HELB: variants seen among roughly 807,000 people sequenced by gnomAD.
HELB encodes the protein DNA helicase B.
HELB carries 96 observed loss-of-function variants against 101.7 expected under a neutral mutation model. That is an observed-to-expected ratio of 0.94 (90% CI 0.80 to 1.12). HELB has a LOEUF of 1.12. Ranked by LOEUF, HELB falls within the 50% of genes most tolerant of loss-of-function variation. The probability of loss-of-function intolerance (pLI) is 0.00; values close to 1 mark genes in which losing one functional copy is unlikely to be tolerated. For missense variants in HELB, 1,210 were observed against 1,291.9 expected (o/e 0.94, Z 0.97); for synonymous variants, 437 against 459.7 (o/e 0.95, Z 0.63).
At position 66,309,853 on chromosome 12, in the gene HELB, G is replaced by A. The variant is rs1379632082; in HGVS notation, c.925G>A (p.Gly309Arg). 1 of 1,613,932 alleles carries A rather than the reference G, an allele frequency of 6.2e-7. No individual in the cohort carries two copies. Among genetic ancestry groups the A allele is most frequent in the African/African-American group, 1.3e-5 (1 of 74,928 alleles). Reference sequence around the variant, plus strand: ...ACTGAAGCAGATATGTAGAGAAGATGGGCACACATATGTTGAAGTGAATGA... The same window carrying A: ...ACTGAAGCAGATATGTAGAGAAGATAGGCACACATATGTTGAAGTGAATGA... ...SRLKQICRED[G>R]HTYVEVNDLT... Residue 309 changes from glycine to arginine, a missense_variant, in exon 4 of 13, where the codon GGG becomes AGG. Coordinates refer to ENST00000247815, the MANE Select transcript of HELB (RefSeq NM_001370285.1).
At chr12:66,308,035 AC>A (rs1241723912) in intron 3 of HELB, among the ~76,000 whole-genome samples, 2 of 102,774 alleles carry the variant, frequency 1.9e-5, no homozygotes, top group Non-Finnish European at 3.9e-5. Flanking sequence ...CTGGTCTTCT[AC>A]CTCCTCTAAA....
At chr12:66,343,526 CT>C in exon 14 of HELB, 1 of 152,326 alleles carries the variant, frequency 6.6e-6, no homozygotes, top group Admixed American at 6.5e-5. Context: ...CCACCTCGAC[CT>C]CCCAAAGTGC....
chr12:66,336,501 C>T (rs1052513131), intron 12 of HELB, among the ~76,000 whole-genome samples: 2 of 152,198 alleles, frequency 1.3e-5, no homozygotes, highest in Admixed American at 6.5e-5. Context: ...AGTCTTTAAG[C>T]TTCCAAGGCT....
At chr12:66,334,994 A>G (rs1487020509) in intron 12 of HELB, among the ~76,000 whole-genome samples, 1 of 151,996 alleles carries the variant, frequency 6.6e-6, no homozygotes, top group Non-Finnish European at 1.5e-5. Flanking sequence ...AGATGTGATG[A>G]GGTAAAAGAG....
At chr12:66,315,182 C>T (rs915322300) in intron 5 of HELB, 60 bp from the exon 6 acceptor site, 14 of 1,253,904 alleles carry the variant, frequency 1.1e-5, no homozygotes, top group African/African-American at 6.1e-5. Flanking sequence ...TAATTTTAAA[C>T]AATCTTGGGG....
At chr12:66,334,272 G>A (rs1262907280) in intron 12 of HELB, among the ~76,000 whole-genome samples, 1 of 151,990 alleles carries the variant, frequency 6.6e-6, no homozygotes, top group Non-Finnish European at 1.5e-5. Context: ...ACTAACCTGG[G>A]CAATATAGTG....
chr12:66,325,898 G>T (rs754606301), intron 11 of HELB, among the ~76,000 whole-genome samples: 2 of 152,010 alleles, frequency 1.3e-5, no homozygotes, highest in African/African-American at 4.8e-5. Flanking sequence ...ATATTGTTAG[G>T]TTTACAGAAG....
intron 3 of HELB, among the ~76,000 whole-genome samples, chr12:66,307,602 C>G (rs1185669122): frequency 6.6e-6 from 1 of 152,172 alleles, no homozygotes; most frequent in African/African-American, 2.4e-5. Context: ...TACTCTCACT[C>G]TTGCTAGGCT....
At chr12:66,330,042 C>T (rs574446857) in intron 11 of HELB, among the ~76,000 whole-genome samples, 7 of 152,136 alleles carry the variant, frequency 4.6e-5, no homozygotes, top group South Asian at 2.1e-4. Context: ...TTATTTGCAG[C>T]GGATGTGTAT....
intron 4 of HELB, among the ~76,000 whole-genome samples, chr12:66,312,770 C>T (rs2053559169): frequency 6.6e-6 from 1 of 152,096 alleles, no homozygotes; most frequent in Non-Finnish European, 1.5e-5. Flanking sequence ...ACTAGGGTTG[C>T]CAGATTTATC....
chr12:66,335,184 G>A (rs539420308), intron 12 of HELB, among the ~76,000 whole-genome samples: 3 of 152,200 alleles, frequency 2.0e-5, no homozygotes, highest in African/African-American at 4.8e-5. Flanking sequence ...GAGTAAGTCC[G>A]TGGTTGGTAG....
chr12:66,324,814 A>G, intron 10 of HELB, 169 bp from the exon 11 acceptor site: 1 of 665,582 alleles, frequency 1.5e-6, no homozygotes, highest in Non-Finnish European at 2.6e-6. Context: ...ATATTTAGGT[A>G]TAGATATATT....
chr12:66,322,111 G>C (rs1474368363), intron 8 of HELB, 82 bp downstream of exon 8: 3 of 601,682 alleles, frequency 5.0e-6, no homozygotes, highest in Non-Finnish European at 8.9e-6. Context: ...GTTTGGATGG[G>C]AGATTCCAAT....
At position 66,310,143 on chromosome 12, in the gene HELB, C is replaced by T; in HGVS notation, c.1215C>T (p.Ser405=). 1 of 1,614,194 alleles carries T rather than the reference C, an allele frequency of 6.2e-7. No homozygotes were observed. Among genetic ancestry groups the T allele is most frequent in the East Asian group, 2.2e-5 (1 of 44,884 alleles). ...CAAGCGATGATGCATTGAATGAGAG[C>T]AAACCTGATGAAGTAAGATTAGAAA... ...ENSSDDALNE[S]KPDEVRLENP... The change falls in exon 4 of 13, where the codon AGC becomes AGT. Residue 405 remains serine (S), a synonymous_variant. Transcript: ENST00000247815.
chr12:66,311,046 A>C (rs533446562), intron 4 of HELB, among the ~76,000 whole-genome samples: 1 of 152,142 alleles, frequency 6.6e-6, no homozygotes, highest in Non-Finnish European at 1.5e-5. Context: ...GATCATTTAG[A>C]TCAATGCTTT....
intron 10 of HELB, chr12:66,324,520 A>T: frequency 3.6e-6 from 1 of 274,636 alleles, no homozygotes; most frequent in South Asian, 5.6e-5. Flanking sequence ...GTAACAAAAA[A>T]CAAGGCATAA....
At position 66,324,973 on chromosome 12, in the gene HELB, T is replaced by C; in HGVS notation, c.2527-10T>C. 1 of 1,612,258 alleles carries C rather than the reference T, an allele frequency of 6.2e-7. No homozygotes were observed. The highest frequency in any genetic ancestry group is 8.5e-7 in the Non-Finnish European group (1 of 1,178,548). ...AAGGTATGCAAAATAGTTCTTTGGT[T>C]TGGTGACAGGATGTAACTGATGTAA... On this transcript the variant is annotated splice_polypyrimidine_tract_variant and intron_variant, in intron 10 of 12. Coordinates refer to ENST00000247815, the MANE Select transcript of HELB (RefSeq NM_001370285.1).
chr12:66,341,048 TA>T (rs2053914864), downstream of HELB: 1 of 154,644 alleles, frequency 6.5e-6, no homozygotes, highest in Non-Finnish European at 1.4e-5. Context: ...AGTCCCACGA[TA>T]GGCCATCTGC....
At chr12:66,329,367 C>A (rs756844413) in intron 11 of HELB, among the ~76,000 whole-genome samples, 1 of 152,174 alleles carries the variant, frequency 6.6e-6, no homozygotes, top group Non-Finnish European at 1.5e-5. Context: ...AGCTTCCAGC[C>A]TGTGATAGAG....
Sources: allele counts gnomAD v4.1 joint callset (sites outside exome capture counted in the v4.1 genomes callset), GRCh38; gene constraint gnomAD v4.1.1; transcripts MANE v1.5; gene names NCBI Gene and HGNC (gene_info 2026-07-23, HGNC 2026-07-21).